ABCC9: variants seen among roughly 807,000 people sequenced by gnomAD.
ABCC9 encodes ATP-binding cassette sub-family C member 9.
ABCC9 carries 95 observed loss-of-function variants against 188.3 expected under a neutral mutation model. The ratio of observed to expected loss-of-function variants is 0.50; its 90% CI spans 0.43 to 0.60. The LOEUF (loss-of-function observed/expected upper bound fraction) is 0.60. ABCC9 is among the 20% of genes least tolerant of loss of function. The pLI, the probability that ABCC9 is intolerant of heterozygous loss-of-function variation, is 0.00. For synonymous variants in ABCC9, 659 were observed against 652.7 expected (o/e 1.01, Z -0.15); for missense variants, 1,102 against 1,876.3 (o/e 0.59, Z 7.62).
At chr12:21,898,835 TGAG>T (rs1382720832) in intron 12 of ABCC9, among the ~76,000 whole-genome samples, 1 of 152,198 alleles carries the variant, frequency 6.6e-6, no homozygotes, top group African/African-American at 2.4e-5. Flanking sequence ...AAGTTAGAGT[TGAG>T]GATGAAAGAA....
intron 30 of ABCC9, among the ~76,000 whole-genome samples, chr12:21,835,703 T>G (rs565383066): frequency 6.6e-6 from 1 of 152,272 alleles, no homozygotes; most frequent in South Asian, 2.1e-4. Flanking sequence ...CAAGCTCCTC[T>G]TTTCTTAGTC....
At chr12:21,929,561 A>G (rs1949190803) in intron 4 of ABCC9, among the ~76,000 whole-genome samples, 1 of 152,118 alleles carries the variant, frequency 6.6e-6, no homozygotes, top group Admixed American at 6.5e-5. Flanking sequence ...TAAATAATTC[A>G]TAAAGGTTTT....
chr12:21,855,021 A>C (rs970556831), intron 22 of ABCC9, among the ~76,000 whole-genome samples: 1 of 152,164 alleles, frequency 6.6e-6, no homozygotes, highest in African/African-American at 2.4e-5. Flanking sequence ...TGATTTTCAC[A>C]GGGGGAATCT....
chr12:21,873,807 G>T (rs1565766550), intron 17 of ABCC9, among the ~76,000 whole-genome samples: 1 of 151,760 alleles, frequency 6.6e-6, no homozygotes, highest in Admixed American at 6.6e-5. Context: ...CAACAAACTG[G>T]ATATCTACAC....
intron 30 of ABCC9, among the ~76,000 whole-genome samples, chr12:21,834,045 C>T (rs568835847): frequency 1.3e-5 from 2 of 152,102 alleles, no homozygotes; most frequent in African/African-American, 2.4e-5. Context: ...ATTTTTTAAC[C>T]CTCTGAATTT....
chr12:21,859,178 G>T (rs1945379943), intron 22 of ABCC9, among the ~76,000 whole-genome samples: 1 of 152,164 alleles, frequency 6.6e-6, no homozygotes. Context: ...CACAGCCCGA[G>T]TTGCACAGCA....
At chr12:21,831,596 G>A (rs773153908) in intron 30 of ABCC9, among the ~76,000 whole-genome samples, 10 of 152,206 alleles carry the variant, frequency 6.6e-5, no homozygotes, top group Non-Finnish European at 1.5e-4. Context: ...GGATCAGCAC[G>A]GTAGGAAATG....
intron 34 of ABCC9, 91 bp from the exon 35 acceptor site, chr12:21,814,813 A>G: frequency 1.0e-6 from 1 of 954,748 alleles, no homozygotes; most frequent in Non-Finnish European, 1.7e-6. Flanking sequence ...AGATATTATG[A>G]TAAAACTGTA....
intron 12 of ABCC9, among the ~76,000 whole-genome samples, chr12:21,905,425 A>G (rs900440845): frequency 4.6e-5 from 7 of 151,938 alleles, no homozygotes; most frequent in Non-Finnish European, 8.8e-5. Flanking sequence ...AAAAAAAAAA[A>G]GAATGCTATG....
rs771226136 is a variant in ABCC9 at position 21,807,442 on chromosome 12, A to T, written c.4353T>A (p.Val1451=). The T allele has an allele frequency of 1.2e-6, 2 of 1,613,998 alleles. No individual in the cohort carries two copies. Among genetic ancestry groups the T allele is most frequent in the East Asian group, 2.2e-5 (1 of 44,866 alleles). ...VVTEGGENFS[V]GQRQLFCLAR... is the part of the protein sequence containing the mutation. ...CAAGGCAAAATAGCTGTCTCTGTCC[A>T]ACGCTAAAATTCTCCCCACCTTCAG... is the stretch of plus-strand genomic sequence containing the variant. Residue 1451 remains valine (V), a synonymous_variant, in exon 38 of 40, where the codon GTT becomes GTA. Transcript: ENST00000261200.
intron 5 of ABCC9, chr12:21,923,626 C>T (rs760422501): frequency 1.6e-4 from 89 of 542,050 alleles, no homozygotes; most frequent in Non-Finnish European, 2.7e-4. Flanking sequence ...ACCAAGATCA[C>T]CAAATGATGA....
chr12:21,834,612 C>T (rs1943963801), intron 30 of ABCC9, among the ~76,000 whole-genome samples: 1 of 151,920 alleles, frequency 6.6e-6, no homozygotes, highest in Admixed American at 6.6e-5. Context: ...GTGCTGGCCT[C>T]TCCTATCTGG....
intron 16 of ABCC9, 44 bp downstream of exon 16, chr12:21,882,722 A>G (rs377702308): frequency 6.6e-7 from 1 of 1,506,990 alleles, no homozygotes; most frequent in Non-Finnish European, 9.2e-7. Flanking sequence ...AAATAGTAAC[A>G]TAAATGTTTC....
chr12:21,850,876 T>C (rs1481660014), intron 24 of ABCC9, among the ~76,000 whole-genome samples: 1 of 152,086 alleles, frequency 6.6e-6, no homozygotes, highest in East Asian at 1.9e-4. Flanking sequence ...GTTTGTTGTT[T>C]GTTTATTGCT....
rs144446899 is a variant in ABCC9 at position 21,800,106 on chromosome 12, C to T, written c.*938G>A. ...TATAACTTCAAAGTGTAAGATATCT[C>T]CAGCCTGCCAGTGGACTGTTTCATA... is the stretch of plus-strand genomic sequence containing the variant. On this transcript the variant is annotated 3_prime_UTR_variant, in exon 40 of 40. Coordinates refer to ENST00000261200, the MANE Select transcript of ABCC9 (RefSeq NM_020297.4). The T allele has an allele frequency of 6.6e-6, 1 of 152,142 alleles. No individual in the cohort carries two copies. The highest frequency in any genetic ancestry group is 1.5e-5 in the Non-Finnish European group (1 of 68,024). 9.4% of individuals were successfully genotyped at this position (152,142 alleles called of 1,614,324 possible).
At chr12:21,829,446 C>A (rs1175832913) in intron 30 of ABCC9, among the ~76,000 whole-genome samples, 12 of 152,026 alleles carry the variant, frequency 7.9e-5, no homozygotes, top group African/African-American at 2.9e-4. Flanking sequence ...TGTGATCCGC[C>A]CACCTTGGCC....
At chr12:21,886,815 A>G (rs1946898358) in intron 15 of ABCC9, among the ~76,000 whole-genome samples, 1 of 152,002 alleles carries the variant, frequency 6.6e-6, no homozygotes, top group South Asian at 2.1e-4. Flanking sequence ...CTACCTCAAG[A>G]TCTTTGCATC....
At chr12:21,893,042 A>G (rs1947242836) in intron 14 of ABCC9, among the ~76,000 whole-genome samples, 1 of 152,186 alleles carries the variant, frequency 6.6e-6, no homozygotes, top group East Asian at 1.9e-4. Context: ...GAGGTTTTAT[A>G]GGTTTATAAA....
At chr12:21,842,054 T>C (rs1371048776) in intron 29 of ABCC9, among the ~76,000 whole-genome samples, 1 of 152,204 alleles carries the variant, frequency 6.6e-6, no homozygotes, top group East Asian at 1.9e-4. Context: ...GCATATAACC[T>C]ACATACATCA....
Sources: allele counts gnomAD v4.1 joint callset (sites outside exome capture counted in the v4.1 genomes callset), GRCh38; gene constraint gnomAD v4.1.1; transcripts MANE v1.5; gene names NCBI Gene and HGNC (gene_info 2026-07-23, HGNC 2026-07-21).